PKHD1L1: variants seen among roughly 807,000 people sequenced by gnomAD.
The protein encoded by PKHD1L1 is fibrocystin-L.
Under a neutral mutation model 462.9 loss-of-function variants are expected in PKHD1L1, and 434 were observed. The observed-to-expected ratio is 0.94, with a 90% CI of 0.87 to 1.02. The LOEUF is 1.02. Ranked by LOEUF, PKHD1L1 falls within the 50% of genes least tolerant of loss-of-function variation. PKHD1L1 has a pLI of 0.00. For synonymous variants in PKHD1L1, 1,781 were observed against 1,750.0 expected (o/e 1.02, Z -0.44); for missense variants, 5,202 against 5,096.1 (o/e 1.02, Z -0.63).
At chr8:109,435,051 T>C in intron 28 of PKHD1L1, 139 bp from the exon 29 acceptor site, 1 of 802,984 alleles carries the variant, frequency 1.2e-6, no homozygotes, top group Non-Finnish European at 1.9e-6. Flanking sequence ...CCCCACACAT[T>C]AATATATGAT....
intron 9 of PKHD1L1, 42 bp downstream of exon 9, chr8:109,390,536 CA>C (rs1712803171): frequency 8.8e-7 from 1 of 1,132,386 alleles, no homozygotes; most frequent in African/African-American, 1.6e-5. Flanking sequence ...ATTGATTCAA[CA>C]GGGTAAATAA....
At chr8:109,508,287 C>A (rs1554595504) in intron 70 of PKHD1L1, 23 bp downstream of exon 70, 2 of 1,568,276 alleles carry the variant, frequency 1.3e-6, no homozygotes, top group South Asian at 2.4e-5. Flanking sequence ...TATGAGTAAA[C>A]TACAATTACT....
rs1456927842 is a variant in PKHD1L1 at position 109,390,521 on chromosome 8, T to C, written c.740+27T>C. The C allele has an allele frequency of 4.8e-6, 6 of 1,242,254 alleles. No homozygotes were observed. The African/African-American group carries it at 7.6e-5, about 16-fold the overall frequency. The allele number at this position is 1,242,254 out of a possible 1,614,324, so 77.0% of individuals were successfully genotyped here. A position where few individuals can be genotyped will look rare whatever the true frequency, so the allele number is the denominator to read the frequency against. On this transcript the variant is annotated intron_variant, in intron 9 of 77. Transcript: ENST00000378402. Reference sequence around the variant, plus strand: ...TAGGCTATTTTGTAAATAATAACTTTTATAATTGATTCAACAGGGTAAATA... The same window carrying C: ...TAGGCTATTTTGTAAATAATAACTTCTATAATTGATTCAACAGGGTAAATA...
intron 44 of PKHD1L1, 86 bp from the exon 45 acceptor site, chr8:109,454,637 G>A (rs1816717189): frequency 6.6e-7 from 1 of 1,521,024 alleles, no homozygotes; most frequent in Non-Finnish European, 8.9e-7. Context: ...AGAGAAGAGA[G>A]GATAGAAAAG....
chr8:109,504,487 T>C lies in PKHD1L1; in HGVS notation c.10989T>C (p.Asp3663=). 6.7e-7 allele frequency: 1 copy of C among 1,483,958 alleles called. No individual in the cohort carries two copies. Among genetic ancestry groups the C allele is most frequent in the Non-Finnish European group, 9.0e-7 (1 of 1,105,336 alleles). The allele number at this position is 1,483,958 out of a possible 1,614,324, so 91.9% of individuals were successfully genotyped here. A position where few individuals can be genotyped will look rare whatever the true frequency, so the allele number is the denominator to read the frequency against. The change falls in exon 68 of 78, where the codon GAT becomes GAC. Residue 3663 remains aspartate (D), a synonymous_variant. Transcript: ENST00000378402. ...EQSKIFIHRP[D]ISKVNPSDCV... ...CAAAAATATTTATACATAGGCCTGA[T>C]ATAAGGTAAAATACATAAAAATTGT...
At chr8:109,443,610 A>C in intron 36 of PKHD1L1, 66 bp from the exon 37 acceptor site, 1 of 1,218,950 alleles carries the variant, frequency 8.2e-7, no homozygotes, top group South Asian at 1.5e-5. Context: ...AGAGTAACGC[A>C]GTTTGAAAAC....
intron 17 of PKHD1L1, among the ~76,000 whole-genome samples, chr8:109,407,555 G>A (rs988068991): frequency 2.0e-5 from 3 of 152,098 alleles, no homozygotes; most frequent in East Asian, 3.9e-4. Context: ...TCTCAAAGTG[G>A]CAAAGCCAAT....
At chr8:109,452,427 T>C (rs1816579572) in intron 42 of PKHD1L1, 147 bp downstream of exon 42, 1 of 813,830 alleles carries the variant, frequency 1.2e-6, no homozygotes. Flanking sequence ...GCTTACATTT[T>C]TTGTTGCTTT....
intron 27 of PKHD1L1, among the ~76,000 whole-genome samples, chr8:109,432,777 C>G (rs139650343): frequency 7.2e-5 from 11 of 152,256 alleles, no homozygotes; most frequent in African/African-American, 2.4e-4. Context: ...TACTAAGTTA[C>G]CATATAGAGA....
rs71303459 is a variant in PKHD1L1 at position 109,410,726 on chromosome 8, C to CTTTTTTTTTTTTTTTTTTTTTTTTTTT, written c.2085+769_2085+770insTTTTTTTTTTTTTTTTTTTTTTTTTTT. 8.8e-4 allele frequency among the ~76,000 whole-genome samples: 60 copies of CTTTTTTTTTTTTTTTTTTTTTTTTTTT among 68,388 alleles called. 8 individuals are homozygous for CTTTTTTTTTTTTTTTTTTTTTTTTTTT. The highest frequency in any genetic ancestry group is 4.1e-3 in the African/African-American group (50 of 12,264). 44.9% of individuals were successfully genotyped at this position (68,388 alleles called of 152,430 possible). On this transcript the variant is annotated intron_variant, in intron 19 of 77. Transcript: ENST00000378402. ...TTCTTTTTTCTTTTCTTTTCTTTTTCTTTTTTTTTTTTTTTTTTTTTGAGA... is the reference window on the plus strand; with the variant it reads ...TTCTTTTTTCTTTTCTTTTCTTTTTCTTTTTTTTTTTTTTTTTTTTTTTTTTTTTTTTTTTTTTTTTTTTTTTTGAGA...
chr8:109,506,405 A>C (rs1379366), intron 68 of PKHD1L1, among the ~76,000 whole-genome samples: 66,323 of 152,004 alleles, frequency 0.44, 14,967 homozygotes, highest in South Asian at 0.58. Flanking sequence ...AAGGTGGCAA[A>C]AACTCTGCTG....
intron 50 of PKHD1L1, among the ~76,000 whole-genome samples, chr8:109,468,000 C>T (rs1817539214): frequency 6.6e-6 from 1 of 152,158 alleles, no homozygotes; most frequent in African/African-American, 2.4e-5. Context: ...ATTGCAAATA[C>T]TTTCATGTTA....
At chr8:109,448,668 T>C (rs1042502230) in intron 39 of PKHD1L1, among the ~76,000 whole-genome samples, 2 of 149,832 alleles carry the variant, frequency 1.3e-5, no homozygotes, top group African/African-American at 2.4e-5. Flanking sequence ...CCCGCCACCA[T>C]GCCTGGCTAA....
At chr8:109,506,162 T>C (rs1278842840) in intron 68 of PKHD1L1, among the ~76,000 whole-genome samples, 1 of 152,230 alleles carries the variant, frequency 6.6e-6, no homozygotes, top group Non-Finnish European at 1.5e-5. Context: ...ATGATTTTTC[T>C]GAGTTCTGTG....
intron 50 of PKHD1L1, chr8:109,471,131 C>T: frequency 7.0e-7 from 1 of 1,430,254 alleles, no homozygotes; most frequent in Admixed American, 1.9e-5. Flanking sequence ...ACTCAGCAGA[C>T]ATTTACCTTT....
chr8:109,393,789 A>G (rs918203252), intron 9 of PKHD1L1, among the ~76,000 whole-genome samples: 12 of 152,232 alleles, frequency 7.9e-5, no homozygotes, highest in African/African-American at 2.9e-4. Context: ...AGGAGGTTCT[A>G]AAAGAAGACA....
At chr8:109,399,911 C>T (rs1586431952) in intron 12 of PKHD1L1, among the ~76,000 whole-genome samples, 165 bp from the exon 13 acceptor site, 3 of 152,234 alleles carry the variant, frequency 2.0e-5, no homozygotes, top group South Asian at 4.2e-4. Flanking sequence ...ACAGACTGCC[C>T]TCTGGCTGCA....
rs537447258 is a variant in PKHD1L1, at chr8:109,442,640, G to A, written c.4394-306G>A. Among the ~76,000 whole-genome samples the A allele has an allele frequency of 3.3e-5, 5 of 151,236 alleles. No homozygotes were observed. The East Asian group carries it at 9.7e-4, about 29-fold the overall frequency. ...GTAAGATTTTGAACCTTTCACTCAC[G>A]AAAAAAAAATTTTCTTTCATTTCAT... On this transcript the variant is annotated intron_variant, in intron 35 of 77. Coordinates refer to ENST00000378402, the MANE Select transcript of PKHD1L1 (RefSeq NM_177531.6).
At chr8:109,416,958 C>T (rs1313328479) in intron 21 of PKHD1L1, among the ~76,000 whole-genome samples, 1 of 152,156 alleles carries the variant, frequency 6.6e-6, no homozygotes, top group Admixed American at 6.5e-5. Flanking sequence ...TCCTCCACTG[C>T]CACAGGATTT....
Sources: allele counts gnomAD v4.1 joint callset (sites outside exome capture counted in the v4.1 genomes callset), GRCh38; gene constraint gnomAD v4.1.1; transcripts MANE v1.5; gene names NCBI Gene and HGNC (gene_info 2026-07-23, HGNC 2026-07-21).